Variants in CPLX2 observed in about 807,000 individuals in gnomAD.
CPLX2 encodes the protein complexin 2.
CPLX2 carries 5 observed loss-of-function variants against 16.3 expected under a neutral mutation model. The observed-to-expected ratio is 0.31, with a 90% CI of 0.16 to 0.64. The LOEUF (loss-of-function observed/expected upper bound fraction) is 0.64, where lower values mean the gene tolerates loss of function less well. CPLX2 is among the 30% of genes least tolerant of loss of function. The pLI, the probability that CPLX2 is intolerant of heterozygous loss-of-function variation, is 0.79. For missense variants in CPLX2, 144 were observed against 181.4 expected (o/e 0.79, Z 1.18); for synonymous variants, 89 against 73.2 (o/e 1.22, Z -1.10).
At position 175,883,192 on chromosome 5, in the gene CPLX2, A is replaced by C. The variant is rs10064485; in HGVS notation, c.*3147A>C. ...GTGTGCTCTCAGGGAAGGGCCCAGG[A>C]TCCCATGCCTGGGAGGAGCTGCCAG... On this transcript the variant is annotated 3_prime_UTR_variant, in exon 4 of 4. Coordinates refer to ENST00000393745, the MANE Select transcript of CPLX2 (RefSeq NM_001008220.2). 0.66 allele frequency: 100,326 copies of C among 152,188 alleles called. 33,555 individuals carry two copies. Among genetic ancestry groups the C allele is most frequent in the East Asian group, 0.91 (4,699 of 5,156 alleles). The allele number at this position is 152,188 out of a possible 1,614,324, so 9.4% of individuals were successfully genotyped here.
intron 1 of CPLX2, among the ~76,000 whole-genome samples, chr5:175,799,540 A>ATATATATATATATT (rs1758049700): frequency 3.5e-5 from 1 of 28,234 alleles, no homozygotes; most frequent in Non-Finnish European, 7.9e-5. Flanking sequence ...TGCAAATTTC[A>ATATATATATATATT]TATATATATA....
chr5:175,799,550 A>ATATATT lies in CPLX2; in HGVS notation c.-169+2771_-169+2772insTTATAT, dbSNP rs1561766318. Among the ~76,000 whole-genome samples the ATATATT allele has an allele frequency of 4.7e-4, 18 of 38,478 alleles. 1 individual carries two copies. In the East Asian group the frequency reaches 0.02, roughly 43 times the overall value. 25.2% of individuals were successfully genotyped at this position (38,478 alleles called of 152,430 possible). On this transcript the variant is annotated intron_variant, in intron 1 of 4. Transcript: ENST00000359546. ...CCCTTTGCAAATTTCATATATATAT[A>ATATATT]TATATATATATATATATATATATAT...
intron 2 of CPLX2, among the ~76,000 whole-genome samples, chr5:175,834,521 A>C (rs921426107): frequency 1.3e-5 from 2 of 152,144 alleles, no homozygotes; most frequent in Non-Finnish European, 2.9e-5. Context: ...GAGGAAGCAC[A>C]GTGGGCGGGG....
chr5:175,806,105 G>C (rs1758194025), intron 1 of CPLX2, among the ~76,000 whole-genome samples: 1 of 152,100 alleles, frequency 6.6e-6, no homozygotes, highest in Admixed American at 6.5e-5. Context: ...AGAGCGCAGA[G>C]CTGAGCCCTG....
chr5:175,808,905 G>C (rs1758261672), intron 1 of CPLX2: 1 of 152,288 alleles, frequency 6.6e-6, no homozygotes, highest in South Asian at 2.1e-4. Flanking sequence ...CCTTCACTGG[G>C]GTCTGGGGCT....
chr5:175,871,423 G>GAGAGACAGAGAGAGAGAGAGAGAGAGAA (rs1759596123), upstream of CPLX2: 1 of 117,232 alleles, frequency 8.5e-6, no homozygotes, highest in African/African-American at 3.3e-5. Flanking sequence ...GAGAGAGAGA[G>GAGAGACAGAGAGAGAGAGAGAGAGAGAA]AGAGAGAGAC....
chr5:175,843,492 C>T (rs1331700971), intron 2 of CPLX2, among the ~76,000 whole-genome samples: 2 of 152,260 alleles, frequency 1.3e-5, no homozygotes, highest in East Asian at 1.9e-4. Context: ...CTCACAGTCA[C>T]GCACACACAT....
intron 2 of CPLX2, among the ~76,000 whole-genome samples, chr5:175,811,898 T>C (rs956628993): frequency 6.6e-5 from 10 of 152,222 alleles, no homozygotes; most frequent in African/African-American, 2.2e-4. Flanking sequence ...TTTAAGGCAA[T>C]AGAAGCCTTT....
chr5:175,839,673 A>G (rs374054048), intron 2 of CPLX2, among the ~76,000 whole-genome samples: 6 of 152,368 alleles, frequency 3.9e-5, no homozygotes, highest in African/African-American at 1.4e-4. Context: ...TACAACATAC[A>G]AGGTAAAACC....
chr5:175,866,154 T>A (rs1425882665), intron 2 of CPLX2, among the ~76,000 whole-genome samples: 2 of 152,180 alleles, frequency 1.3e-5, no homozygotes, highest in Non-Finnish European at 2.9e-5. Flanking sequence ...CTCGAGAGCA[T>A]GGAAAGCAAA....
At chr5:175,810,521 G>C (rs192037457) in intron 2 of CPLX2, among the ~76,000 whole-genome samples, 1 of 152,322 alleles carries the variant, frequency 6.6e-6, no homozygotes, top group African/African-American at 2.4e-5. Context: ...GGGTACTCCA[G>C]CCCCATGCTT....
chr5:175,874,244 G>A (rs918707950), intron 1 of CPLX2, among the ~76,000 whole-genome samples: 5 of 152,198 alleles, frequency 3.3e-5, no homozygotes, highest in African/African-American at 1.2e-4. Flanking sequence ...CTGAACCAAG[G>A]CATTAGCAGC....
intron 1 of CPLX2, among the ~76,000 whole-genome samples, chr5:175,876,994 G>A (rs1759773447): frequency 6.6e-6 from 1 of 152,146 alleles, no homozygotes; most frequent in Non-Finnish European, 1.5e-5. Flanking sequence ...CCACAAATAT[G>A]TAGTCGGCAA....
intron 2 of CPLX2, among the ~76,000 whole-genome samples, chr5:175,821,751 T>C (rs973221157): frequency 6.6e-6 from 1 of 152,226 alleles, no homozygotes; most frequent in African/African-American, 2.4e-5. Context: ...TTCAAATAAA[T>C]ATATGTATTT....
intron 1 of CPLX2, among the ~76,000 whole-genome samples, chr5:175,873,481 G>A (rs1484962370): frequency 8.5e-5 from 13 of 152,116 alleles, no homozygotes; most frequent in Non-Finnish European, 1.9e-4. Flanking sequence ...TGTCCTGAGA[G>A]GAGCTCAGAG....
At chr5:175,858,181 A>G (rs1209456004) in intron 2 of CPLX2, among the ~76,000 whole-genome samples, 1 of 152,192 alleles carries the variant, frequency 6.6e-6, no homozygotes, top group Non-Finnish European at 1.5e-5. Context: ...ACAGTACATA[A>G]TAGGAGGTAA....
chr5:175,848,886 C>T (rs534706233), intron 2 of CPLX2, among the ~76,000 whole-genome samples: 9 of 152,084 alleles, frequency 5.9e-5, no homozygotes, highest in Non-Finnish European at 1.0e-4. Context: ...CTTGGCAACC[C>T]GGGGAAGGCA....
At chr5:175,877,984 G>A (rs1328741779) in intron 1 of CPLX2, among the ~76,000 whole-genome samples, 1 of 152,168 alleles carries the variant, frequency 6.6e-6, no homozygotes, top group East Asian at 1.9e-4. Context: ...ACACTCCCAC[G>A]TGAAATTCAA....
chr5:175,828,447 A>G lies in CPLX2; in HGVS notation c.-89+19379A>G, dbSNP rs1758663456. ...GATTGGGAATAGATTTTTTAGCTCA[A>G]TATGAAAGAGAAATATTTAGAGACC... On this transcript the variant is annotated intron_variant, in intron 2 of 4. Coordinates refer to the CPLX2 transcript ENST00000359546. 2.0e-5 allele frequency among the ~76,000 whole-genome samples: 3 copies of G among 152,232 alleles called. No individual in the cohort carries two copies. In the South Asian group the frequency reaches 6.2e-4, roughly 32 times the overall value.
Sources: gnomAD v4.1 joint callset for allele counts (sites outside exome capture counted in the v4.1 genomes callset) on GRCh38, gnomAD v4.1.1 for gene constraint, MANE v1.5 for transcripts, NCBI Gene and HGNC (gene_info 2026-07-23, HGNC 2026-07-21) for gene names.